The following ETS1 variants were observed in gnomAD, a reference collection of about 807,000 sequenced individuals.
ETS1 encodes protein C-ets-1.
Under a neutral mutation model 58.6 loss-of-function variants are expected in ETS1, and 15 were observed. The ratio of observed to expected loss-of-function variants is 0.26; its 90% confidence interval spans 0.17 to 0.39. ETS1 has a LOEUF of 0.39. Among genes scored for constraint, ETS1 ranks in the 10% least tolerant of loss-of-function variants. The pLI is 1.00. For synonymous variants in ETS1, 214 were observed against 218.2 expected (o/e 0.98, Z 0.17); for missense variants, 417 against 610.5 (o/e 0.68, Z 3.34).
At chr11:128,571,501 C>CCAGCCTGGGCGACAG (rs1864630611) in intron 2 of ETS1, among the ~76,000 whole-genome samples, 1 of 32,896 alleles carries the variant, frequency 3.0e-5, no homozygotes, top group African/African-American at 1.2e-4. Context: ...AAGACTCCGT[C>CCAGCCTGGGCGACAG]AAAAAAAAAA....
At chr11:128,556,253 A>G in intron 3 of ETS1, 38 bp downstream of exon 3, 1 of 1,573,904 alleles carries the variant, frequency 6.4e-7, no homozygotes, top group South Asian at 1.2e-5. Context: ...TTGTCCTTCA[A>G]CTCTATCCTC....
intron 2 of ETS1, among the ~76,000 whole-genome samples, chr11:128,571,410 C>A (rs904973788): frequency 3.6e-5 from 5 of 140,400 alleles, no homozygotes; most frequent in African/African-American, 8.0e-5. Flanking sequence ...GAGCGAGACT[C>A]CGTCCAGCCT....
intron 3 of ETS1, among the ~76,000 whole-genome samples, chr11:128,535,041 C>T (rs1383030136): frequency 6.6e-6 from 1 of 152,226 alleles, no homozygotes; most frequent in Non-Finnish European, 1.5e-5. Context: ...CACATTTCCA[C>T]CAGTAGTGTG....
chr11:128,580,215 A>C (rs1347652119), intron 1 of ETS1, among the ~76,000 whole-genome samples: 1 of 148,118 alleles, frequency 6.8e-6, no homozygotes, highest in African/African-American at 2.5e-5. Context: ...CCTGTGATGA[A>C]GTGTGTCCTT....
chr11:128,570,489 G>A (rs887409482), intron 2 of ETS1, among the ~76,000 whole-genome samples: 1 of 151,986 alleles, frequency 6.6e-6, no homozygotes, highest in Non-Finnish European at 1.5e-5. Context: ...TGATCCGCCC[G>A]CCTCAGCCTC....
At chr11:128,543,690 C>T (rs549762026) in intron 3 of ETS1, among the ~76,000 whole-genome samples, 3 of 152,210 alleles carry the variant, frequency 2.0e-5, no homozygotes, top group East Asian at 3.9e-4. Context: ...AAAGCATTCC[C>T]TTAAGTTCCT....
intron 1 of ETS1, among the ~76,000 whole-genome samples, chr11:128,585,181 AGAAAGAAGGAAG>A (rs757030082): frequency 0.015 from 875 of 59,412 alleles, 75 homozygotes; most frequent in South Asian, 0.024. Flanking sequence ...AAAGAAAGAA[AGAAAGAAGGAAG>A]GAAAGAAAGA....
chr11:128,463,469 C>T lies in ETS1; in HGVS notation c.1242+40G>A. ...ACCCCTTCCAGGAGTTTTCTCTCAT[C>T]CTTCCTCAACACAGTACTCGCAAGC... On this transcript the variant is annotated intron_variant, in intron 9 of 9. Coordinates refer to ENST00000392668, the MANE Select transcript of ETS1 (RefSeq NM_001143820.2). The surrounding 1 kb of genome is among the most constrained non-coding windows in gnomAD (Gnocchi z 4.1). 8.6e-7 allele frequency: 1 copy of T among 1,158,260 alleles called. No individual in the cohort carries two copies. Among genetic ancestry groups the T allele is most frequent in the Non-Finnish European group, 1.3e-6 (1 of 766,290 alleles). 71.7% of individuals were successfully genotyped at this position (1,158,260 alleles called of 1,614,324 possible).
At chr11:128,479,344 G>A (rs1194803718) in intron 8 of ETS1, among the ~76,000 whole-genome samples, 2 of 152,184 alleles carry the variant, frequency 1.3e-5, no homozygotes, top group Non-Finnish European at 2.9e-5. Context: ...TTTAAAATAA[G>A]CTCTACTCAC....
intron 3 of ETS1, among the ~76,000 whole-genome samples, chr11:128,514,424 C>T (rs747782944): frequency 3.4e-4 from 51 of 152,176 alleles, no homozygotes; most frequent in Non-Finnish European, 5.1e-4. Context: ...TCATGTTTAT[C>T]TAAGCATCTC....
chr11:128,582,220 A>G (rs1864888700), intron 1 of ETS1, among the ~76,000 whole-genome samples: 1 of 152,178 alleles, frequency 6.6e-6, no homozygotes. Context: ...GGAGTTACAT[A>G]CTATGGGTGA....
chr11:128,570,405 AT>A (rs900443491), intron 2 of ETS1, among the ~76,000 whole-genome samples: 1 of 151,274 alleles, frequency 6.6e-6, no homozygotes, highest in Non-Finnish European at 1.5e-5. Flanking sequence ...CACCTGGCTA[AT>A]TTTTTTTGTA....
chr11:128,541,490 A>G (rs1864057290), intron 3 of ETS1, among the ~76,000 whole-genome samples: 1 of 152,240 alleles, frequency 6.6e-6, no homozygotes, highest in Non-Finnish European at 1.5e-5. Flanking sequence ...TTGAGGATAC[A>G]GAAATAAATG....
chr11:128,538,197 A>G (rs1202472742), intron 3 of ETS1, among the ~76,000 whole-genome samples: 4 of 152,110 alleles, frequency 2.6e-5, no homozygotes, highest in African/African-American at 9.7e-5. Context: ...CTGATTAATA[A>G]AAGTATGATG....
chr11:128,548,606 A>T (rs1864174922), intron 3 of ETS1, among the ~76,000 whole-genome samples: 1 of 152,240 alleles, frequency 6.6e-6, no homozygotes, highest in South Asian at 2.1e-4. Context: ...TAAGCCCAGA[A>T]TCTCTTCTGT....
At chr11:128,477,380 A>T (rs1862350977) in intron 8 of ETS1, among the ~76,000 whole-genome samples, 1 of 152,240 alleles carries the variant, frequency 6.6e-6, no homozygotes, top group Non-Finnish European at 1.5e-5. Context: ...TGCTTTCCAA[A>T]GTACTTTTGC....
chr11:128,560,823 G>A (rs1437280354), intron 2 of ETS1, among the ~76,000 whole-genome samples: 2 of 152,134 alleles, frequency 1.3e-5, no homozygotes, highest in Non-Finnish European at 2.9e-5. Flanking sequence ...ATTACAGTGA[G>A]GGATGGGACA....
chr11:128,524,615 A>C, intron 3 of ETS1, among the ~76,000 whole-genome samples: 1 of 151,854 alleles, frequency 6.6e-6, no homozygotes, highest in Non-Finnish European at 1.5e-5. Flanking sequence ...ATTTTTATTC[A>C]TTCTCTTTAG....
chr11:128,472,124 C>T (rs909219477), intron 8 of ETS1, among the ~76,000 whole-genome samples: 11 of 152,052 alleles, frequency 7.2e-5, no homozygotes, highest in African/African-American at 2.7e-4. Flanking sequence ...TTTGTTTCAC[C>T]ATAACGTGAT....
Sources: allele counts gnomAD v4.1 joint callset (sites outside exome capture counted in the v4.1 genomes callset), GRCh38; gene constraint gnomAD v4.1.1; non-coding constraint Gnocchi (gnomAD v3.1); transcripts MANE v1.5; gene names NCBI Gene and HGNC (gene_info 2026-07-23, HGNC 2026-07-21).